Variants in SLC15A4 observed in about 807,000 individuals in gnomAD.
SLC15A4 encodes solute carrier family 15 member 4, also known as hPHT1.
In SLC15A4, 26 loss-of-function variants were observed where a neutral mutation model predicts 46.1. That is an observed-to-expected ratio of 0.56 (90% CI 0.41 to 0.78). SLC15A4 has a LOEUF of 0.78. Ranked by LOEUF, SLC15A4 falls within the 30% of genes least tolerant of loss-of-function variation. The pLI is 0.00. For missense variants in SLC15A4, 751 were observed against 755.7 expected, an observed-to-expected ratio of 0.99 and a Z score of 0.07; for synonymous variants, 370 against 333.4, an observed-to-expected ratio of 1.11 and a Z score of -1.20.
In SLC15A4 at chr12:128,814,932, G is replaced by T. The variant is rs751202723; in HGVS notation, c.685C>A (p.Pro229Thr). 8 of 1,614,144 alleles carry T rather than the reference G, an allele frequency of 5.0e-6. No homozygotes were observed. In the East Asian group the frequency reaches 1.6e-4, roughly 31 times the overall value. Reference protein sequence around the residue: ...NVSFVTGYAIPTVCVGLAFVV... With the variant: ...NVSFVTGYAITTVCVGLAFVV... ...AAAGCAAGGCCGACGCAGACAGTGG[G>T]GATCGCATAACCAGTGACAAAGCTG... The change falls in exon 2 of 8, where the codon CCC becomes ACC. Residue 229 changes from proline to threonine, a missense_variant. Pro to Thr is a conservative substitution (Grantham distance 38, BLOSUM62 -1). Transcript: ENST00000266771.
chr12:128,810,262 C>G, intron 2 of SLC15A4, 151 bp from the exon 3 acceptor site: 1 of 659,790 alleles, frequency 1.5e-6, no homozygotes, highest in South Asian at 2.0e-5. Context: ...ACACCCAACA[C>G]AGCTACCTAA....
Position 128,800,259 on chromosome 12 carries a change from T to C in SLC15A4, c.1414+595A>G, listed in dbSNP as rs1051565729. ...GTCCATTCCGTTGTGATTTATTCCCTTTACAAATTCATTAGCCAATTCTGG... is the reference window on the plus strand; with the variant it reads ...GTCCATTCCGTTGTGATTTATTCCCCTTACAAATTCATTAGCCAATTCTGG... On this transcript the variant is annotated intron_variant, in intron 6 of 7. Coordinates refer to ENST00000266771, the MANE Select transcript of SLC15A4 (RefSeq NM_145648.4). Among the ~76,000 whole-genome samples, 8 of 152,340 alleles carry C rather than the reference T, an allele frequency of 5.3e-5. No homozygotes were observed. The East Asian group carries it at 5.8e-4, about 11-fold the overall frequency.
At position 128,814,926 on chromosome 12, in the gene SLC15A4, C is replaced by G; in HGVS notation, c.691G>C (p.Val231Leu). Residue 231 changes from valine to leucine, a missense_variant, in exon 2 of 8, where the codon GTC becomes CTC. Transcript: ENST00000266771. ...ACCACAAAAGCAAGGCCGACGCAGA[C>G]AGTGGGGATCGCATAACCAGTGACA... ...SFVTGYAIPT[V>L]CVGLAFVVFL... 1 of 1,614,186 alleles carries G rather than the reference C, an allele frequency of 6.2e-7. No individual in the cohort carries two copies. The highest frequency in any genetic ancestry group is 8.5e-7 in the Non-Finnish European group (1 of 1,180,042).
At chr12:128,798,436 A>G (rs1426166523) in intron 7 of SLC15A4, among the ~76,000 whole-genome samples, 1 of 152,232 alleles carries the variant, frequency 6.6e-6, no homozygotes, top group Admixed American at 6.5e-5. Flanking sequence ...TTAGGACTCC[A>G]CAGGCCTATA....
At position 128,808,805 on chromosome 12, in the gene SLC15A4, C is replaced by A. The variant is rs1488808782; in HGVS notation, c.1241G>T (p.Cys414Phe). ...RIAVGMFFVM[C>F]SAFAAGILES... Reference sequence around the variant, plus strand: ...CCTCTTACCTGCAGCAAAGGCCGAGCACATGACAAAGAACATGCCCACGGC... The same window carrying A: ...CCTCTTACCTGCAGCAAAGGCCGAGAACATGACAAAGAACATGCCCACGGC... Residue 414 changes from cysteine to phenylalanine, a missense_variant, in exon 5 of 8, where the codon TGC (cysteine) becomes TTC (phenylalanine). By Grantham distance (205) the Cys-to-Phe change is radical. Transcript: ENST00000266771. 6.2e-7 allele frequency: 1 copy of A among 1,614,132 alleles called. No homozygotes were observed. The highest frequency in any genetic ancestry group is 1.1e-5 in the South Asian group (1 of 91,086).
At chr12:128,797,151 C>T (rs1955455344) in intron 7 of SLC15A4, among the ~76,000 whole-genome samples, 1 of 152,160 alleles carries the variant, frequency 6.6e-6, no homozygotes, top group African/African-American at 2.4e-5. Context: ...CACCCGCCCC[C>T]CAGGCTCACA....
chr12:128,823,327 G>C, intron 1 of SLC15A4, 71 bp downstream of exon 1: 2 of 1,298,286 alleles, frequency 1.5e-6, no homozygotes, highest in Non-Finnish European at 2.0e-6. Context: ...CAGGGACTGG[G>C]GCAGGGGAAG....
At chr12:128,803,889 A>G (rs1531929) in intron 5 of SLC15A4, among the ~76,000 whole-genome samples, 150,999 of 152,306 alleles carry the variant, frequency 0.99, 74,867 homozygotes, top group East Asian at 1. Flanking sequence ...CTTCTGACAG[A>G]CTTATGTTTT....
chr12:128,813,953 T>G (rs571421787), intron 2 of SLC15A4: 2 of 154,562 alleles, frequency 1.3e-5, no homozygotes, highest in Admixed American at 6.5e-5. Flanking sequence ...ACTTCTGAGC[T>G]CTCTTCTTGG....
At chr12:128,809,015 A>G (rs1338906571) in intron 4 of SLC15A4, 59 bp from the exon 5 acceptor site, 5 of 1,510,202 alleles carry the variant, frequency 3.3e-6, no homozygotes, top group Non-Finnish European at 4.5e-6. Context: ...TCACCTGTCT[A>G]GAGAACCAAC....
Position 128,815,042 on chromosome 12 carries a change from C to G in SLC15A4, c.575G>C (p.Arg192Thr), listed in dbSNP as rs749875375. The G allele has an allele frequency of 2.5e-6, 4 of 1,610,746 alleles. No homozygotes were observed. The highest frequency in any genetic ancestry group is 4.5e-5 in the East Asian group (2 of 44,764). Residue 192 changes from arginine to threonine, a missense_variant, in exon 2 of 8, where the codon AGG becomes ACG. Coordinates refer to ENST00000266771, the MANE Select transcript of SLC15A4 (RefSeq NM_145648.4). The stretch of plus-strand genomic sequence containing the variant: ...CCAATAAAACCAATTAAAAAATCTC[C>G]TAGTGGCTTCCGGACCTCGATCTTT... ...QVKDRGPEAT[R>T]RFFNWFYWSI...
chr12:128,820,973 G>C (rs1046443566), intron 1 of SLC15A4, among the ~76,000 whole-genome samples: 1 of 152,068 alleles, frequency 6.6e-6, no homozygotes, highest in African/African-American at 2.4e-5. Context: ...TCACAGGAGT[G>C]AACTCTCCTA....
intron 1 of SLC15A4, chr12:128,815,310 G>C (rs575213229): frequency 1.3e-5 from 2 of 154,030 alleles, no homozygotes; most frequent in South Asian, 1.6e-4. Context: ...ACAAATGCTA[G>C]AGAGTTTTTC....
At chr12:128,801,152 G>C in intron 5 of SLC15A4, 143 bp from the exon 6 acceptor site, 2 of 729,258 alleles carry the variant, frequency 2.7e-6, no homozygotes, top group Admixed American at 6.6e-5. Context: ...CTTCCCCCAG[G>C]ACTAATAGGC....
At position 128,797,824 on chromosome 12, in the gene SLC15A4, G is replaced by A. The variant is rs1002347033; in HGVS notation, c.1573+1435C>T. ...TTATTTCTCTACCCAGGACGCCAAG[G>A]GCTGCTCGACAGATGAGCTCCAACT... is the stretch of plus-strand genomic sequence containing the variant. On this transcript the variant is annotated intron_variant, in intron 7 of 7. Transcript: ENST00000266771. 9.2e-5 allele frequency among the ~76,000 whole-genome samples: 14 copies of A among 152,342 alleles called. No individual in the cohort carries two copies. The East Asian group carries it at 2.7e-3, about 29-fold the overall frequency.
intron 7 of SLC15A4, 33 bp downstream of exon 7, chr12:128,799,226 T>G (rs1177193112): frequency 6.2e-7 from 1 of 1,610,526 alleles, no homozygotes; most frequent in Admixed American, 1.7e-5. Flanking sequence ...CCTCACTGGC[T>G]ATTTTCAAAA....
intron 5 of SLC15A4, among the ~76,000 whole-genome samples, chr12:128,802,993 G>A (rs1256048282): frequency 1.3e-5 from 2 of 152,136 alleles, no homozygotes; most frequent in Non-Finnish European, 2.9e-5. Flanking sequence ...GTGAACAACT[G>A]AGAGCCCTGG....
At chr12:128,800,770 A>C in intron 6 of SLC15A4, 84 bp downstream of exon 6, 1 of 1,403,926 alleles carries the variant, frequency 7.1e-7, no homozygotes, top group South Asian at 1.4e-5. Flanking sequence ...CCTTGTCTCA[A>C]CATATTCCAA....
In SLC15A4 at chr12:128,799,368, T is replaced by C. The variant is rs1315402444; in HGVS notation, c.1464A>G (p.Ile488Met). 13 of 1,613,994 alleles carry C rather than the reference T, an allele frequency of 8.1e-6. No individual in the cohort carries two copies. Among genetic ancestry groups the C allele is most frequent in the East Asian group, 2.2e-5 (1 of 44,892 alleles). Residue 488 changes from isoleucine (I) to methionine (M), a missense_variant, in exon 7 of 8, where the codon ATA becomes ATG. Physicochemically the swap from Ile to Met is conservative, Grantham distance 10. Coordinates refer to ENST00000266771, the MANE Select transcript of SLC15A4 (RefSeq NM_145648.4). ...CAGAGAAGAAAAAGAACAAGCCCAT[T>C]ATGGCACTCTGCATGGACTTGGGGG... Reference protein sequence around the residue: ...SAAPKSMQSAIMGLFFFFSGV... With the variant: ...SAAPKSMQSAMMGLFFFFSGV...
Sources: allele counts gnomAD v4.1 joint callset (sites outside exome capture counted in the v4.1 genomes callset), GRCh38; gene constraint gnomAD v4.1.1; transcripts MANE v1.5; gene names NCBI Gene and HGNC (gene_info 2026-07-23, HGNC 2026-07-21).